The following AVEN variants were observed in gnomAD, a reference collection of about 807,000 sequenced individuals.
The protein encoded by AVEN is apoptosis and caspase activation inhibitor, also known as cell death regulator Aven.
Under a neutral mutation model 38.1 loss-of-function variants are expected in AVEN, and 41 were observed. That is an observed-to-expected ratio of 1.08 (90% CI 0.84 to 1.40). The LOEUF (loss-of-function observed/expected upper bound fraction) is 1.40, where lower values mean the gene tolerates loss of function less well. AVEN is among the 40% of genes most tolerant of loss of function. AVEN has a pLI of 0.00. For missense variants in AVEN, 605 were observed against 438.8 expected (o/e 1.38, Z -3.38); for synonymous variants, 206 against 171.8 (o/e 1.20, Z -1.56).
Position 34,003,809 on chromosome 15 carries a change from A to G in AVEN, c.268-600T>C, listed in dbSNP as rs183720133. ...TCTAGAATAATGAAAACCATTCCAC[A>G]TCTACATTTGTTTTAGTACTTCTTA... On this transcript the variant is annotated intron_variant, in intron 1 of 5. Transcript: ENST00000306730. 4.5e-4 allele frequency among the ~76,000 whole-genome samples: 68 copies of G among 152,352 alleles called. 1 individual carries two copies. The highest frequency in any genetic ancestry group is 1.6e-3 in the African/African-American group (66 of 41,592).
chr15:34,040,535 C>T (rs1250439253), upstream of AVEN, among the ~76,000 whole-genome samples: 1 of 152,208 alleles, frequency 6.6e-6, no homozygotes, highest in African/African-American at 2.4e-5. Context: ...CTTCTCATAT[C>T]ACTTCATTTG....
At chr15:33,859,750 T>C (rs1353667092) in intron 11 of AVEN, 3 of 1,596,344 alleles carry the variant, frequency 1.9e-6, no homozygotes, top group East Asian at 4.5e-5. Context: ...GCCAATTGTG[T>C]TGAGTATGAA....
At chr15:34,043,499 T>C (rs1899563630), upstream of AVEN, among the ~76,000 whole-genome samples, 1 of 152,188 alleles carries the variant, frequency 6.6e-6, no homozygotes, top group Non-Finnish European at 1.5e-5. Context: ...TTATTTACTA[T>C]GTTGTTTTGA....
intron 2 of AVEN, among the ~76,000 whole-genome samples, chr15:33,974,858 C>A (rs8033418): frequency 1.0e-3 from 152 of 152,118 alleles, no homozygotes; most frequent in Non-Finnish European, 1.7e-3. Flanking sequence ...CTGTAATCCC[C>A]GCTACTTGGA....
At chr15:33,901,019 G>C (rs592471) in intron 2 of AVEN, among the ~76,000 whole-genome samples, 133,812 of 151,992 alleles carry the variant, frequency 0.88, 60,497 homozygotes, top group Non-Finnish European at 0.98. Context: ...GTAATCCCAG[G>C]ACTTTGGGAG....
At chr15:33,952,157 T>C (rs145677227) in intron 2 of AVEN, among the ~76,000 whole-genome samples, 134 of 152,264 alleles carry the variant, frequency 8.8e-4, no homozygotes, top group African/African-American at 2.7e-3. Context: ...GGTGGATATA[T>C]AGATAACAGC....
chr15:33,876,825 AAATT>A (rs1165831071), intron 2 of AVEN, among the ~76,000 whole-genome samples: 1 of 152,202 alleles, frequency 6.6e-6, no homozygotes, highest in African/African-American at 2.4e-5. Context: ...GACCAAGAAA[AAATT>A]AATTCTAAAA....
chr15:33,926,482 T>A (rs556275370), intron 2 of AVEN, among the ~76,000 whole-genome samples: 1 of 152,092 alleles, frequency 6.6e-6, no homozygotes, highest in East Asian at 1.9e-4. Flanking sequence ...TGACAGGTTA[T>A]TTAGAATCTC....
At chr15:33,898,993 G>C (rs1415203697) in intron 2 of AVEN, among the ~76,000 whole-genome samples, 1 of 152,194 alleles carries the variant, frequency 6.6e-6, no homozygotes, top group Non-Finnish European at 1.5e-5. Flanking sequence ...TAAGACAGAG[G>C]TAGGAAAGGG....
rs951335982 is a variant in AVEN, at chr15:33,873,440, G to A, written c.517-2410C>T. On this transcript the variant is annotated intron_variant, in intron 3 of 5. Coordinates refer to ENST00000306730, the MANE Select transcript of AVEN (RefSeq NM_020371.3). ...GCGTCACTGGTCACACTGAGGACAT[G>A]GGATGGTATAAGGAACAACAAATTA... is the stretch of plus-strand genomic sequence containing the variant. Among the ~76,000 whole-genome samples the A allele has an allele frequency of 5.4e-5, 8 of 148,930 alleles. No homozygotes were observed. In the East Asian group the frequency reaches 5.8e-4, roughly 11 times the overall value.
At chr15:33,973,263 G>A (rs570029950) in intron 2 of AVEN, among the ~76,000 whole-genome samples, 1 of 152,264 alleles carries the variant, frequency 6.6e-6, no homozygotes, top group East Asian at 1.9e-4. Context: ...AGCCAGAGAT[G>A]ATTTCCAGTT....
At chr15:34,004,987 C>T (rs1897283637) in intron 1 of AVEN, among the ~76,000 whole-genome samples, 1 of 151,812 alleles carries the variant, frequency 6.6e-6, no homozygotes, top group Non-Finnish European at 1.5e-5. Flanking sequence ...AAATAATGAG[C>T]TTTTATTAAC....
chr15:33,939,641 T>A (rs1436498370), intron 2 of AVEN, among the ~76,000 whole-genome samples: 1 of 152,224 alleles, frequency 6.6e-6, no homozygotes, highest in Non-Finnish European at 1.5e-5. Context: ...ATACTATCCC[T>A]CGTGTTTAGC....
At chr15:33,993,143 T>A (rs1896797066) in intron 2 of AVEN, among the ~76,000 whole-genome samples, 1 of 152,294 alleles carries the variant, frequency 6.6e-6, no homozygotes, top group South Asian at 2.1e-4. Flanking sequence ...ATTCAATGAT[T>A]TGACTTTTGG....
chr15:34,021,747 G>A (rs1403588355), intron 1 of AVEN, among the ~76,000 whole-genome samples: 1 of 151,928 alleles, frequency 6.6e-6, no homozygotes, highest in African/African-American at 2.4e-5. Context: ...CCCAGCTACT[G>A]GGGAGGCTGA....
intron 2 of AVEN, among the ~76,000 whole-genome samples, chr15:33,986,778 G>T (rs1353439891): frequency 6.6e-6 from 1 of 151,236 alleles, no homozygotes; most frequent in Non-Finnish European, 1.5e-5. Context: ...TGTGTCAGCC[G>T]CCCGAGTAGC....
At chr15:33,857,268 C>T (rs1347351996), downstream of AVEN, among the ~76,000 whole-genome samples, 1 of 144,506 alleles carries the variant, frequency 6.9e-6, no homozygotes, top group Non-Finnish European at 1.5e-5. Flanking sequence ...ACCTGGTCTC[C>T]TCAGGGGCCT....
Position 34,039,137 on chromosome 15 carries a change from G to C in AVEN, c.-91C>G. 1 of 1,013,854 alleles carries C rather than the reference G, an allele frequency of 9.9e-7. No individual in the cohort carries two copies. The allele number at this position is 1,013,854 out of a possible 1,614,324, so 62.8% of individuals were successfully genotyped here. A position where few individuals can be genotyped will look rare whatever the true frequency, so the allele number is the denominator to read the frequency against. ...CGGAAGCGGGCCGCACGGAGGAGCCGCGAGCGAAAGGCGCCCGGTAGCAGC... is the reference window on the plus strand; with the variant it reads ...CGGAAGCGGGCCGCACGGAGGAGCCCCGAGCGAAAGGCGCCCGGTAGCAGC... On this transcript the variant is annotated 5_prime_UTR_variant, in exon 1 of 6. Coordinates refer to ENST00000306730, the MANE Select transcript of AVEN (RefSeq NM_020371.3).
intron 2 of AVEN, among the ~76,000 whole-genome samples, chr15:33,994,302 A>G (rs1237085926): frequency 6.6e-6 from 1 of 152,198 alleles, no homozygotes; most frequent in African/African-American, 2.4e-5. Flanking sequence ...CACGCTCCTT[A>G]TGAGAATCTA....
Sources: gnomAD v4.1 joint callset for allele counts (sites outside exome capture counted in the v4.1 genomes callset) on GRCh38, gnomAD v4.1.1 for gene constraint, MANE v1.5 for transcripts, NCBI Gene and HGNC (gene_info 2026-07-23, HGNC 2026-07-21) for gene names.